The following WBP2 variants were observed in gnomAD, a reference collection of about 807,000 sequenced individuals.
WBP2 encodes the protein WW domain binding protein 2, also known as WW domain-binding protein 2.
WBP2 carries 23 observed loss-of-function variants against 33.0 expected under a neutral mutation model. The observed-to-expected ratio is 0.70, with a 90% CI of 0.50 to 0.99. WBP2 has a LOEUF of 0.99. WBP2 is among the 50% of genes least tolerant of loss of function. The probability of loss-of-function intolerance (pLI) is 0.00; values close to 1 mark genes in which losing one functional copy is unlikely to be tolerated. For synonymous variants in WBP2, 153 were observed against 133.5 expected (o/e 1.15, Z -1.01); for missense variants, 353 against 358.0 (o/e 0.99, Z 0.11).
chr17:75,850,095 G>T (rs910223896), intron 2 of WBP2, among the ~76,000 whole-genome samples: 1 of 152,154 alleles, frequency 6.6e-6, no homozygotes, highest in Non-Finnish European at 1.5e-5. Context: ...ATGGGTTCCT[G>T]AAAGAGGGGG....
At chr17:75,852,143 G>A (rs1393735895) in intron 1 of WBP2, 1 of 165,944 alleles carries the variant, frequency 6.0e-6, no homozygotes, top group East Asian at 1.6e-4. Flanking sequence ...ATAGGGCCAG[G>A]CGCAGTGGCC....
At chr17:75,853,940 G>A (rs887852955) in intron 1 of WBP2, among the ~76,000 whole-genome samples, 1 of 151,166 alleles carries the variant, frequency 6.6e-6, no homozygotes, top group Admixed American at 6.6e-5. Flanking sequence ...AACTACTGGG[G>A]AGGCTGAGGC....
In WBP2 at chr17:75,848,555, T is replaced by G; in HGVS notation, c.397+15A>C. 1 of 1,612,454 alleles carries G rather than the reference T, an allele frequency of 6.2e-7. No homozygotes were observed. Among genetic ancestry groups the G allele is most frequent in the African/African-American group, 1.3e-5 (1 of 74,960 alleles). ...TTAGTGTGTCTTTAGCCCCTAATCT[T>G]CGGAGCCTGGATACCTTGAGATGCC... On this transcript the variant is annotated intron_variant, in intron 4 of 7. Transcript: ENST00000254806.
rs1247875484 is a variant in WBP2 at position 75,846,668 on chromosome 17, C to A, written c.*66G>T. ...GGCGCCCCCTCCCCTCCCCAAGCCC[C>A]AGCACAGCCCCGATGGGAGGGGTAG... On this transcript the variant is annotated 3_prime_UTR_variant, in exon 8 of 8. Transcript: ENST00000254806. The surrounding 1 kb of genome is among the most constrained non-coding windows in gnomAD (Gnocchi z 4.8). 1 of 1,498,840 alleles carries A rather than the reference C, an allele frequency of 6.7e-7. No individual in the cohort carries two copies. The highest frequency in any genetic ancestry group is 1.3e-5 in the South Asian group (1 of 78,082). 92.8% of individuals were successfully genotyped at this position (1,498,840 alleles called of 1,614,324 possible).
chr17:75,849,315 G>C, intron 3 of WBP2: 1 of 337,540 alleles, frequency 3.0e-6, no homozygotes, highest in African/African-American at 2.1e-5. Flanking sequence ...GCTCCTTCCT[G>C]AGTCTAAAAT....
intron 3 of WBP2, chr17:75,848,981 G>A (rs181512556): frequency 8.6e-4 from 332 of 385,486 alleles, no homozygotes; most frequent in Non-Finnish European, 1.4e-3. Flanking sequence ...GTTTCTCTCC[G>A]CCCCCAGTCA....
rs1599422322 is a variant in WBP2 at position 75,849,338 on chromosome 17, G to A, written c.304+266C>T. 2.6e-6 allele frequency: 1 copy of A among 384,408 alleles called. No individual in the cohort carries two copies. The highest frequency in any genetic ancestry group is 5.2e-5 in the South Asian group (1 of 19,154). The allele number at this position is 384,408 out of a possible 1,614,324, so 23.8% of individuals were successfully genotyped here. On this transcript the variant is annotated intron_variant, in intron 3 of 7. Coordinates refer to ENST00000254806, the MANE Select transcript of WBP2 (RefSeq NM_012478.4). ...CTGAGTCTAAAATTTGTATGCGCTC[G>A]CCAAGTTGCACTAAGCATCTTGACT...
At chr17:75,854,070 AAGAG>A (rs2065043393) in intron 1 of WBP2, among the ~76,000 whole-genome samples, 1 of 145,784 alleles carries the variant, frequency 6.9e-6, no homozygotes, top group Middle Eastern at 3.6e-3. Context: ...AAAAAAAAAA[AAGAG>A]AAGAGAAGTA....
chr17:75,847,328 G>T, intron 6 of WBP2, 159 bp downstream of exon 6: 1 of 1,221,524 alleles, frequency 8.2e-7, no homozygotes, highest in Non-Finnish European at 1.1e-6. Flanking sequence ...ATCTAGCTCC[G>T]CTCCACCAGG....
At chr17:75,855,620 T>G (rs964818144), upstream of WBP2, 2 of 348,488 alleles carry the variant, frequency 5.7e-6, no homozygotes, top group Non-Finnish European at 1.1e-5. Context: ...ACATTTTGCG[T>G]AACCAATCGG....
chr17:75,854,890 C>T (rs1599426963), intron 1 of WBP2, among the ~76,000 whole-genome samples: 2 of 152,302 alleles, frequency 1.3e-5, no homozygotes. Flanking sequence ...CACGTAGTAA[C>T]GTTGTAGACA....
chr17:75,852,781 T>C, intron 1 of WBP2: 1 of 985,252 alleles, frequency 1.0e-6, no homozygotes, highest in Non-Finnish European at 1.2e-6. Flanking sequence ...TTTAAGTCCT[T>C]GTGATAGATG....
Position 75,846,681 on chromosome 17 carries a change from A to G in WBP2, c.*53T>C, listed in dbSNP as rs1230022431. On this transcript the variant is annotated 3_prime_UTR_variant, in exon 8 of 8. Coordinates refer to ENST00000254806, the MANE Select transcript of WBP2 (RefSeq NM_012478.4). This position sits in a 1 kb window ranked among gnomAD's most constrained non-coding sequence, Gnocchi z 4.8. ...CTCCCCAAGCCCCAGCACAGCCCCG[A>G]TGGGAGGGGTAGGGTAGAGAGATGA... is the stretch of plus-strand genomic sequence containing the variant. 1 of 1,499,108 alleles carries G rather than the reference A, an allele frequency of 6.7e-7. No individual in the cohort carries two copies. The highest frequency in any genetic ancestry group is 9.0e-7 in the Non-Finnish European group (1 of 1,116,482). 92.9% of individuals were successfully genotyped at this position (1,499,108 alleles called of 1,614,324 possible).
rs747530869 is a variant in WBP2, at chr17:75,846,923, G to A, written c.717C>T (p.Asn239=). The A allele has an allele frequency of 1.4e-5, 23 of 1,614,040 alleles. No homozygotes were observed. Among genetic ancestry groups the A allele is most frequent in the Admixed American group, 1.0e-4 (6 of 60,000 alleles). Residue 239 remains asparagine (N), a synonymous_variant, in exon 7 of 8, where the codon AAC becomes AAT. Coordinates refer to ENST00000254806, the MANE Select transcript of WBP2 (RefSeq NM_012478.4). This position sits in a 1 kb window ranked among gnomAD's most constrained non-coding sequence, Gnocchi z 4.8. The part of the protein sequence containing the change: ...SAYYNPGNPH[N]VYMPTSQPPP... ...GCCCTCTCACCGTGGGCATGTAGAC[G>A]TTGTGAGGATTGCCTGGGTTGTAAT...
intron 1 of WBP2, 56 bp downstream of exon 1, chr17:75,855,183 C>CAAA: frequency 6.6e-7 from 1 of 1,506,808 alleles, no homozygotes; most frequent in Non-Finnish European, 9.2e-7. Context: ...CACCCACCGC[C>CAAA]CACTTCCTCG....
intron 4 of WBP2, 44 bp downstream of exon 4, chr17:75,848,526 A>G (rs1024803033): frequency 6.4e-6 from 10 of 1,567,732 alleles, no homozygotes; most frequent in African/African-American, 1.4e-5. Flanking sequence ...AAACCCCTAC[A>G]TGTTTAGTGT....
chr17:75,851,492 C>A, intron 2 of WBP2, 76 bp downstream of exon 2: 3 of 1,149,560 alleles, frequency 2.6e-6, no homozygotes, highest in Non-Finnish European at 2.6e-6. Flanking sequence ...GAGGCTGAGG[C>A]AGACCTGAGA....
At chr17:75,854,071 A>G (rs2065043375) in intron 1 of WBP2, among the ~76,000 whole-genome samples, 2 of 147,734 alleles carry the variant, frequency 1.4e-5, no homozygotes, top group Admixed American at 1.4e-4. Flanking sequence ...AAAAAAAAAA[A>G]GAGAAGAGAA....
intron 1 of WBP2, chr17:75,852,144 C>T (rs1172497842): frequency 6.1e-6 from 1 of 165,278 alleles, no homozygotes; most frequent in Non-Finnish European, 1.3e-5. Flanking sequence ...TAGGGCCAGG[C>T]GCAGTGGCCC....
Sources: allele counts gnomAD v4.1 joint callset (sites outside exome capture counted in the v4.1 genomes callset), GRCh38; gene constraint gnomAD v4.1.1; non-coding constraint Gnocchi (gnomAD v3.1); transcripts MANE v1.5; gene names NCBI Gene and HGNC (gene_info 2026-07-23, HGNC 2026-07-21).